The following CDH23 variants were observed in gnomAD, a reference collection of about 807,000 sequenced individuals.
CDH23 encodes the protein cadherin-23.
A neutral mutation model predicts 317.1 loss-of-function variants in CDH23; 189 were observed. The observed-to-expected ratio is 0.60, with a 90% CI of 0.53 to 0.67. CDH23 has a LOEUF of 0.67. Ranked by LOEUF, CDH23 falls within the 30% of genes least tolerant of loss-of-function variation. The probability of loss-of-function intolerance (pLI) is 0.00; values close to 1 mark genes in which losing one functional copy is unlikely to be tolerated. For synonymous variants in CDH23, 1,839 were observed against 1,876.8 expected, an observed-to-expected ratio of 0.98 and a Z score of 0.52; for missense variants, 4,401 against 4,592.4, an observed-to-expected ratio of 0.96 and a Z score of 1.20.
chr10:71,573,904 C>T (rs1377609039), intron 8 of CDH23, among the ~76,000 whole-genome samples: 8 of 152,328 alleles, frequency 5.3e-5, no homozygotes, highest in Admixed American at 2.6e-4. Flanking sequence ...CAGGTTCCCT[C>T]GCCTCTTGCA....
At chr10:71,680,760 A>G (rs1490075670) in intron 17 of CDH23, among the ~76,000 whole-genome samples, 2 of 146,542 alleles carry the variant, frequency 1.4e-5, no homozygotes, top group African/African-American at 2.5e-5. Context: ...AAAAAAAAAA[A>G]AAAGAAAAAG....
At chr10:71,814,531 T>C (rs989233931) in intron 69 of CDH23, among the ~76,000 whole-genome samples, 11 of 152,184 alleles carry the variant, frequency 7.2e-5, no homozygotes, top group Non-Finnish European at 1.2e-4. Context: ...CAACATGGCG[T>C]GCCTGTAATC....
chr10:71,739,369 C>T (rs548885463), intron 35 of CDH23, among the ~76,000 whole-genome samples: 33 of 152,178 alleles, frequency 2.2e-4, no homozygotes, highest in African/African-American at 5.3e-4. Context: ...CCTGGGAAGA[C>T]GTCAGTGCCA....
intron 27 of CDH23, chr10:71,711,836 C>T (rs1360130116): frequency 1.3e-5 from 2 of 152,138 alleles, no homozygotes; most frequent in Non-Finnish European, 2.9e-5. Context: ...AGCTGCCCTT[C>T]CAGCGGGGCC....
chr10:71,779,128 C>A, intron 40 of CDH23, 139 bp from the exon 41 acceptor site: 1 of 758,220 alleles, frequency 1.3e-6, no homozygotes, highest in Non-Finnish European at 2.3e-6. Flanking sequence ...AAAGCCCCAC[C>A]CATATCCGAC....
chr10:71,427,249 A>AAGAAAGAAAG lies in CDH23; in HGVS notation c.-5-12570_-5-12561dup, dbSNP rs1564573018. 2.4e-3 allele frequency among the ~76,000 whole-genome samples: 330 copies of AAGAAAGAAAG among 136,246 alleles called. 18 individuals carry two copies. The highest frequency in any genetic ancestry group is 8.7e-3 in the African/African-American group (304 of 35,102). 89.4% of individuals were successfully genotyped at this position (136,246 alleles called of 152,430 possible). A position where few individuals can be genotyped will look rare whatever the true frequency, so the allele number is the denominator to read the frequency against. ...AGAAAGAAAGAAAGAAAGAAAGGGA[A>AAGAAAGAAAG]AGAAAGAAAGAGAAAGAGAGAAAGA... On this transcript the variant is annotated intron_variant, in intron 1 of 69. Coordinates refer to ENST00000224721, the MANE Select transcript of CDH23 (RefSeq NM_022124.6).
chr10:71,754,024 A>G (rs1840071518), intron 38 of CDH23, among the ~76,000 whole-genome samples: 1 of 152,186 alleles, frequency 6.6e-6, no homozygotes. Context: ...TGGCCTCTCC[A>G]GCAAACTGCC....
intron 11 of CDH23, among the ~76,000 whole-genome samples, chr10:71,639,821 C>T (rs117122649): frequency 0.018 from 2,808 of 152,252 alleles, 26 homozygotes; most frequent in Middle Eastern, 0.054. Context: ...TTTGCACCAA[C>T]TTAGCAAACT....
intron 3 of CDH23, among the ~76,000 whole-genome samples, chr10:71,481,024 A>C (rs774389631): frequency 2.0e-5 from 3 of 152,090 alleles, no homozygotes; most frequent in Non-Finnish European, 4.4e-5. Context: ...TGGCTTTGTG[A>C]AAATCTGCAG....
At chr10:71,681,172 C>G (rs1392858357) in intron 17 of CDH23, among the ~76,000 whole-genome samples, 2 of 152,020 alleles carry the variant, frequency 1.3e-5, no homozygotes, top group Admixed American at 1.3e-4. Context: ...TCTGCCTGCC[C>G]CATACCTCAC....
intron 6 of CDH23, among the ~76,000 whole-genome samples, chr10:71,556,593 A>AAAAAG (rs1226804607): frequency 2.0e-5 from 3 of 152,066 alleles, no homozygotes; most frequent in Admixed American, 2.0e-4. Flanking sequence ...CTCAAAAAAA[A>AAAAAG]AAAAGAAAAG....
intron 3 of CDH23, among the ~76,000 whole-genome samples, chr10:71,452,820 A>G (rs767172854): frequency 6.6e-6 from 1 of 152,206 alleles, no homozygotes; most frequent in Non-Finnish European, 1.5e-5. Context: ...CCGAGCCTCT[A>G]TTAGGCACTT....
At position 71,667,133 on chromosome 10, in the gene CDH23, T is replaced by C. The variant is rs563293190; in HGVS notation, c.1450-7979T>C. On this transcript the variant is annotated intron_variant, in intron 14 of 69. Transcript: ENST00000224721. Reference sequence around the variant, plus strand: ...GGGCTGCTGCGGAGGCAGCTGGGCCTGCCTTGCTTCAGAGCAGAAGCCCCG... The same window carrying C: ...GGGCTGCTGCGGAGGCAGCTGGGCCCGCCTTGCTTCAGAGCAGAAGCCCCG... Among the ~76,000 whole-genome samples, 4 of 152,366 alleles carry C rather than the reference T, an allele frequency of 2.6e-5. No homozygotes were observed. The South Asian group carries it at 8.3e-4, about 32-fold the overall frequency.
intron 3 of CDH23, among the ~76,000 whole-genome samples, chr10:71,467,810 C>T (rs1040818704): frequency 6.6e-6 from 1 of 152,172 alleles, no homozygotes; most frequent in African/African-American, 2.4e-5. Context: ...ATTATCCCCA[C>T]TGCGCAGAGG....
intron 1 of CDH23, among the ~76,000 whole-genome samples, chr10:71,425,945 G>A (rs1426764873): frequency 6.6e-6 from 1 of 152,188 alleles, no homozygotes; most frequent in African/African-American, 2.4e-5. Flanking sequence ...AAGGTTTTGG[G>A]GTGCAAGGGA....
At chr10:71,758,630 C>T (rs1210902230) in intron 38 of CDH23, among the ~76,000 whole-genome samples, 1 of 152,228 alleles carries the variant, frequency 6.6e-6, no homozygotes, top group Non-Finnish European at 1.5e-5. Flanking sequence ...CCCAGCTATG[C>T]TACCCTGGGC....
At chr10:71,808,090 C>A in intron 60 of CDH23, 83 bp downstream of exon 60, 1 of 1,508,384 alleles carries the variant, frequency 6.6e-7, no homozygotes, top group Non-Finnish European at 9.0e-7. Context: ...GAGATGGGGT[C>A]TGTGGGAGCA....
At chr10:71,730,402 G>T in intron 30 of CDH23, 67 bp from the exon 31 acceptor site, 1 of 1,575,438 alleles carries the variant, frequency 6.3e-7, no homozygotes, top group South Asian at 1.2e-5. Flanking sequence ...GGCCACAGTG[G>T]GCCAAGCCCT....
intron 8 of CDH23, among the ~76,000 whole-genome samples, chr10:71,571,610 C>T (rs898756694): frequency 1.3e-5 from 2 of 152,214 alleles, no homozygotes; most frequent in African/African-American, 4.8e-5. Context: ...AGACGGGCAA[C>T]GGCAGCCATC....
Sources: gnomAD v4.1 joint callset for allele counts (sites outside exome capture counted in the v4.1 genomes callset) on GRCh38, gnomAD v4.1.1 for gene constraint, MANE v1.5 for transcripts, NCBI Gene and HGNC (gene_info 2026-07-23, HGNC 2026-07-21) for gene names.